COMMD1: variants seen among roughly 807,000 people sequenced by gnomAD.
COMMD1 encodes COMM domain-containing protein 1.
COMMD1 carries 10 observed loss-of-function variants against 17.2 expected under a neutral mutation model. That is an observed-to-expected ratio of 0.58 (90% CI 0.36 to 0.99). The LOEUF is 0.99. Among genes scored for constraint, COMMD1 ranks in the 50% least tolerant of loss-of-function variants. COMMD1 has a pLI of 0.01. For synonymous variants in COMMD1, 97 were observed against 91.6 expected (o/e 1.06, Z -0.34); for missense variants, 270 against 231.8 (o/e 1.17, Z -1.07).
chr2:62,049,051 T>G (rs1268156462), intron 2 of COMMD1, among the ~76,000 whole-genome samples: 1 of 152,200 alleles, frequency 6.6e-6, no homozygotes, highest in South Asian at 2.1e-4. Flanking sequence ...GGGAAATACA[T>G]TTAAGAAATC....
chr2:61,889,761 C>T (rs1380063788), intron 1 of COMMD1, among the ~76,000 whole-genome samples: 1 of 151,922 alleles, frequency 6.6e-6, no homozygotes, highest in Non-Finnish European at 1.5e-5. Flanking sequence ...GTCTAGTTAC[C>T]ACCGCCCGCT....
chr2:61,984,360 T>A (rs1014183569), intron 1 of COMMD1, among the ~76,000 whole-genome samples: 2 of 152,238 alleles, frequency 1.3e-5, no homozygotes, highest in Non-Finnish European at 1.5e-5. Context: ...ATAAATTTTT[T>A]AATTTCCTTC....
At chr2:61,889,779 C>T (rs1411948048) in intron 1 of COMMD1, among the ~76,000 whole-genome samples, 1 of 152,160 alleles carries the variant, frequency 6.6e-6, no homozygotes, top group African/African-American at 2.4e-5. Flanking sequence ...GCTTGTTCTA[C>T]ACTAGTGTCT....
At chr2:62,042,879 A>C (rs1467572614) in intron 2 of COMMD1, among the ~76,000 whole-genome samples, 2 of 152,260 alleles carry the variant, frequency 1.3e-5, no homozygotes, top group African/African-American at 4.8e-5. Context: ...ATAGTAGGTC[A>C]GTTACAGCCT....
Position 62,022,272 on chromosome 2 carries a change from T to C in COMMD1, c.462+21290T>C, listed in dbSNP as rs1669630920. 3.9e-5 allele frequency among the ~76,000 whole-genome samples: 6 copies of C among 152,134 alleles called. No individual in the cohort carries two copies. In the South Asian group the frequency reaches 1.2e-3, roughly 32 times the overall value. On this transcript the variant is annotated intron_variant, in intron 2 of 2. Coordinates refer to ENST00000311832, the MANE Select transcript of COMMD1 (RefSeq NM_152516.4). ...ACAGGTTTTAGGAGATTTTCTATAA[T>C]GTAGTTTTTAACTCCTCTGTCAGAC...
At chr2:62,026,274 T>A (rs1361643699) in intron 2 of COMMD1, among the ~76,000 whole-genome samples, 1 of 152,200 alleles carries the variant, frequency 6.6e-6, no homozygotes, top group Non-Finnish European at 1.5e-5. Flanking sequence ...AGCATGGTGC[T>A]AGCATTTGCT....
At chr2:62,059,835 A>G (rs746507021) in intron 2 of COMMD1, among the ~76,000 whole-genome samples, 1 of 151,854 alleles carries the variant, frequency 6.6e-6, no homozygotes, top group Non-Finnish European at 1.5e-5. Flanking sequence ...TAAAGTGCTT[A>G]CTCCATTTGT....
intron 2 of COMMD1, among the ~76,000 whole-genome samples, chr2:62,048,716 G>A (rs953251302): frequency 1.3e-5 from 2 of 151,746 alleles, no homozygotes; most frequent in African/African-American, 4.8e-5. Context: ...TGTATAATTG[G>A]CATTCATATC....
intron 1 of COMMD1, among the ~76,000 whole-genome samples, chr2:61,975,601 T>G (rs981820900): frequency 6.6e-6 from 1 of 152,184 alleles, no homozygotes; most frequent in Non-Finnish European, 1.5e-5. Flanking sequence ...GTAAATTTCT[T>G]TATAAGCACT....
intron 1 of COMMD1, among the ~76,000 whole-genome samples, chr2:61,947,575 C>T (rs955194310): frequency 5.9e-5 from 9 of 151,912 alleles, no homozygotes; most frequent in African/African-American, 9.7e-5. Context: ...CCCAGCTACT[C>T]GGGAGGCTGA....
chr2:62,003,857 G>A (rs1669035110), intron 2 of COMMD1, among the ~76,000 whole-genome samples: 1 of 152,108 alleles, frequency 6.6e-6, no homozygotes, highest in African/African-American at 2.4e-5. Context: ...TAGGTTACAG[G>A]TTGCTCGCTT....
chr2:62,136,024 G>A lies in COMMD1; in HGVS notation c.*83G>A. ...ACTGACCTTTTCTAAGAAAATTCTT[G>A]TGCCCGCATTGGTATTAAATCCTCG... is the stretch of plus-strand genomic sequence containing the variant. On this transcript the variant is annotated 3_prime_UTR_variant, in exon 3 of 3. Coordinates refer to ENST00000311832, the MANE Select transcript of COMMD1 (RefSeq NM_152516.4). 2.6e-6 allele frequency: 2 copies of A among 767,420 alleles called. No homozygotes were observed. The highest frequency in any genetic ancestry group is 1.7e-5 in the African/African-American group (1 of 58,772). 47.5% of individuals were successfully genotyped at this position (767,420 alleles called of 1,614,324 possible).
At chr2:61,976,469 G>A (rs1437456733) in intron 1 of COMMD1, among the ~76,000 whole-genome samples, 1 of 152,128 alleles carries the variant, frequency 6.6e-6, no homozygotes, top group Non-Finnish European at 1.5e-5. Context: ...AAAAAAACAT[G>A]TCTTTAATGT....
At chr2:61,957,807 G>C (rs1378964116) in intron 1 of COMMD1, among the ~76,000 whole-genome samples, 1 of 152,064 alleles carries the variant, frequency 6.6e-6, no homozygotes, top group African/African-American at 2.4e-5. Context: ...CTTCATTCCT[G>C]TTAAGAGTTG....
chr2:62,127,608 C>CA (rs1394850882), intron 2 of COMMD1, among the ~76,000 whole-genome samples: 2 of 152,002 alleles, frequency 1.3e-5, no homozygotes, highest in Non-Finnish European at 2.9e-5. Flanking sequence ...ACAAACCTGA[C>CA]AAAAAAAGCA....
At chr2:62,099,956 T>C (rs1672129266) in intron 2 of COMMD1, among the ~76,000 whole-genome samples, 2 of 152,122 alleles carry the variant, frequency 1.3e-5, no homozygotes, top group South Asian at 4.1e-4. Flanking sequence ...CATTTGCTTA[T>C]GAAAAATAAT....
intron 2 of COMMD1, among the ~76,000 whole-genome samples, chr2:62,027,078 C>G (rs542421691): frequency 6.6e-6 from 1 of 152,226 alleles, no homozygotes; most frequent in Admixed American, 6.5e-5. Context: ...ATTGAGATAT[C>G]ATGTGAAATT....
intron 2 of COMMD1, among the ~76,000 whole-genome samples, chr2:62,124,764 G>T (rs1424667629): frequency 6.6e-6 from 1 of 152,050 alleles, no homozygotes; most frequent in Middle Eastern, 3.2e-3. Context: ...GAGCCAGGCT[G>T]GTCTCAAACT....
intron 2 of COMMD1, among the ~76,000 whole-genome samples, chr2:62,092,539 G>A (rs367552724): frequency 9.2e-5 from 14 of 152,180 alleles, no homozygotes; most frequent in African/African-American, 2.9e-4. Flanking sequence ...TTTGCAGTAC[G>A]AGAGTTGATT....
Sources: allele counts gnomAD v4.1 joint callset (sites outside exome capture counted in the v4.1 genomes callset), GRCh38; gene constraint gnomAD v4.1.1; transcripts MANE v1.5; gene names NCBI Gene and HGNC (gene_info 2026-07-23, HGNC 2026-07-21).